Variants in KLF13 observed in about 807,000 individuals in gnomAD.
KLF13 encodes the protein Krueppel-like factor 13.
A neutral mutation model predicts 16.7 loss-of-function variants in KLF13; 8 were observed. The observed-to-expected ratio is 0.48, with a 90% CI of 0.28 to 0.87. The LOEUF is 0.87. KLF13 is among the 40% of genes least tolerant of loss of function. KLF13 has a pLI of 0.10. For synonymous variants in KLF13, 245 were observed against 208.4 expected (o/e 1.18, Z -1.51); for missense variants, 447 against 452.2 (o/e 0.99, Z 0.10).
intron 1 of KLF13, among the ~76,000 whole-genome samples, chr15:31,334,800 AC>A (rs2038898985): frequency 6.6e-6 from 1 of 152,124 alleles, no homozygotes; most frequent in Non-Finnish European, 1.5e-5. Flanking sequence ...ATGGGAATAA[AC>A]TTTTCTCCAG....
In KLF13 at chr15:31,327,723, T is replaced by C; in HGVS notation, c.511T>C (p.Tyr171His). 2 of 1,537,338 alleles carry C rather than the reference T, an allele frequency of 1.3e-6. No homozygotes were observed. Among genetic ancestry groups the C allele is most frequent in the Non-Finnish European group, 1.8e-6 (2 of 1,137,972 alleles). The change falls in exon 1 of 2, where the codon TAC (tyrosine) becomes CAC (histidine). Residue 171 changes from tyrosine (Y) to histidine (H), a missense_variant. Around this residue, in one of 2 missense-constraint regions of KLF13, gnomAD observed 359 missense variants for 282.8 expected, o/e 1.27. Coordinates refer to ENST00000307145, the MANE Select transcript of KLF13 (RefSeq NM_015995.4). ...CCCGCAGAGGAAGCACAAGTGCCAC[T>C]ACGCGGGCTGCGAGAAAGTTTACGG... The part of the protein sequence containing the change: ...ESPQRKHKCH[Y>H]AGCEKVYGKS...
intron 1 of KLF13, among the ~76,000 whole-genome samples, chr15:31,413,175 A>G (rs183910292): frequency 4.6e-5 from 7 of 150,714 alleles, no homozygotes; most frequent in Admixed American, 3.3e-4. Context: ...GAACAGAGAG[A>G]AAATGAATAG....
At position 31,354,993 on chromosome 15, in the gene KLF13, T is replaced by C. The variant is rs1454886174; in HGVS notation, c.578-17017T>C. On this transcript the variant is annotated intron_variant, in intron 1 of 1. Transcript: ENST00000307145. ...ACATGACTTGGTATTGGGAATTGTG[T>C]GGATCCAGCCCTAAAACCCCCGGGC... 2.0e-5 allele frequency among the ~76,000 whole-genome samples: 3 copies of C among 152,206 alleles called. No homozygotes were observed. In the East Asian group the frequency reaches 5.8e-4, roughly 29 times the overall value.
At chr15:31,407,063 G>A (rs2040138793), downstream of KLF13, among the ~76,000 whole-genome samples, 1 of 152,180 alleles carries the variant, frequency 6.6e-6, no homozygotes, top group Admixed American at 6.5e-5. Context: ...CATCTTTGGT[G>A]CACCATTATT....
chr15:31,407,459 T>A (rs1194191384), downstream of KLF13, among the ~76,000 whole-genome samples: 2 of 152,168 alleles, frequency 1.3e-5, no homozygotes, highest in African/African-American at 4.8e-5. Flanking sequence ...ATAGAAGGCT[T>A]CCTTCAAGGC....
intron 2 of KLF13, among the ~76,000 whole-genome samples, chr15:31,402,541 T>C (rs2040052440): frequency 6.6e-6 from 1 of 152,220 alleles, no homozygotes; most frequent in Non-Finnish European, 1.5e-5. Context: ...AGAGCCTGAA[T>C]GTCCCCGCTC....
downstream of KLF13, among the ~76,000 whole-genome samples, chr15:31,407,784 G>T (rs1000674880): frequency 2.6e-5 from 4 of 152,070 alleles, no homozygotes; most frequent in African/African-American, 9.7e-5. Flanking sequence ...TAAGTTGAAG[G>T]AGAAAAAATT....
intron 1 of KLF13, among the ~76,000 whole-genome samples, chr15:31,363,191 C>G (rs2140958436): frequency 6.6e-6 from 1 of 152,344 alleles, no homozygotes; most frequent in Middle Eastern, 3.4e-3. Flanking sequence ...TGATAAGCTA[C>G]CAAGCTGCAT....
At chr15:31,398,081 C>T (rs1325553687) in intron 2 of KLF13, among the ~76,000 whole-genome samples, 1 of 152,216 alleles carries the variant, frequency 6.6e-6, no homozygotes, top group Non-Finnish European at 1.5e-5. Context: ...CGTCTCTGCT[C>T]AGGCTCCGAT....
intron 1 of KLF13, among the ~76,000 whole-genome samples, chr15:31,334,303 C>T (rs1368811013): frequency 6.6e-6 from 1 of 152,234 alleles, no homozygotes; most frequent in African/African-American, 2.4e-5. Context: ...CAGCCTGTCT[C>T]CTAGGGCTGG....
At chr15:31,428,820 A>AAAAAAG (rs1555383802) in intron 1 of KLF13, among the ~76,000 whole-genome samples, 17,023 of 70,110 alleles carry the variant, frequency 0.24, 3,635 homozygotes, top group East Asian at 0.48. Flanking sequence ...AAAAAAAAAA[A>AAAAAAG]AAAAAGAAAA....
At chr15:31,382,054 C>T (rs2039733867), downstream of KLF13, among the ~76,000 whole-genome samples, 1 of 152,270 alleles carries the variant, frequency 6.6e-6, no homozygotes, top group African/African-American at 2.4e-5. Flanking sequence ...TGGTGAAGTT[C>T]CCAGTGGTGT....
chr15:31,403,791 A>T (rs956579469), exon 3 of KLF13: 2 of 152,306 alleles, frequency 1.3e-5, no homozygotes, highest in African/African-American at 4.8e-5. Flanking sequence ...GATTTTTTCA[A>T]CCCATAGTCA....
At chr15:31,403,323 G>T (rs2040068317) in intron 2 of KLF13, 1 of 152,232 alleles carries the variant, frequency 6.6e-6, no homozygotes, top group Non-Finnish European at 1.5e-5. Flanking sequence ...CTTGTCTCTA[G>T]ATGGGGGAGT....
chr15:31,400,998 T>G (rs1333614881), intron 2 of KLF13, among the ~76,000 whole-genome samples: 1 of 147,310 alleles, frequency 6.8e-6, no homozygotes, highest in African/African-American at 2.5e-5. Flanking sequence ...CGTCGATAGA[T>G]AAATAAACAA....
At chr15:31,393,472 T>G (rs1258596505) in intron 1 of KLF13, 1 of 95,368 alleles carries the variant, frequency 1.0e-5, no homozygotes, top group African/African-American at 4.5e-5. Flanking sequence ...CGCCAGGGGG[T>G]TTCAGAGCCA....
chr15:31,370,190 C>G (rs979172875), intron 1 of KLF13, among the ~76,000 whole-genome samples: 14 of 151,062 alleles, frequency 9.3e-5, no homozygotes, highest in Non-Finnish European at 2.1e-4. Context: ...TTTTGAATCC[C>G]CCCAACACCC....
Position 31,327,357 on chromosome 15 carries a change from G to C in KLF13, c.145G>C (p.Val49Leu), listed in dbSNP as rs1267300671. The C allele has an allele frequency of 7.8e-7, 1 of 1,282,368 alleles. No homozygotes were observed. Among genetic ancestry groups the C allele is most frequent in the Non-Finnish European group, 9.8e-7 (1 of 1,016,180 alleles). The allele number at this position is 1,282,368 out of a possible 1,614,324, so 79.4% of individuals were successfully genotyped here. The change falls in exon 1 of 2, where the codon GTC becomes CTC. Residue 49 changes from valine to leucine, a missense_variant. Val to Leu is a conservative substitution (Grantham distance 32). This residue lies in a region of KLF13 where 359 missense variants were observed against 282.8 expected (regional missense o/e 1.27). Coordinates refer to ENST00000307145, the MANE Select transcript of KLF13 (RefSeq NM_015995.4). ...AVAATPTLPRVEERRDGKDSA... is the reference protein window; with the variant it reads ...AVAATPTLPRLEERRDGKDSA... ...GGCCGCCACCCCCACGCTGCCCCGC[G>C]TCGAGGAGCGCCGCGACGGTAAGGA... is the stretch of plus-strand genomic sequence containing the variant.
intron 1 of KLF13, among the ~76,000 whole-genome samples, chr15:31,331,279 A>G (rs1020091885): frequency 2.3e-4 from 35 of 152,138 alleles, no homozygotes; most frequent in Non-Finnish European, 4.4e-4. Flanking sequence ...GCAGAACCCG[A>G]GGCATGTTTG....
Sources: allele counts gnomAD v4.1 joint callset (sites outside exome capture counted in the v4.1 genomes callset), GRCh38; gene constraint gnomAD v4.1.1; regional missense constraint gnomAD v4.1.1; transcripts MANE v1.5; gene names NCBI Gene and HGNC (gene_info 2026-07-23, HGNC 2026-07-21).